Variants in CFAP97D1 observed in about 807,000 individuals in gnomAD.
The protein encoded by CFAP97D1 is sperm axonemal maintenance protein CFAP97D1.
CFAP97D1 carries 15 observed loss-of-function variants against 20.5 expected under a neutral mutation model. The observed-to-expected ratio is 0.73, with a 90% CI of 0.49 to 1.13. CFAP97D1 has a LOEUF of 1.13. Ranked by LOEUF, CFAP97D1 falls within the 50% of genes most tolerant of loss-of-function variation. The pLI is 0.00. For missense variants in CFAP97D1, 168 were observed against 202.9 expected (o/e 0.83, Z 1.04); for synonymous variants, 58 against 71.2 (o/e 0.82, Z 0.93).
At chr17:43,782,963 G>C in intron 3 of CFAP97D1, 1 of 567,864 alleles carries the variant, frequency 1.8e-6, no homozygotes, top group East Asian at 3.0e-5. Flanking sequence ...ATGGGCAACA[G>C]GGTTGAGGAC....
At chr17:43,784,052 CTT>C (rs758357257) in intron 5 of CFAP97D1, among the ~76,000 whole-genome samples, 159 bp downstream of exon 5, 70 of 152,270 alleles carry the variant, frequency 4.6e-4, no homozygotes, top group Non-Finnish European at 8.5e-4. Context: ...GGCTCTCTGA[CTT>C]TATTTCTTCT....
rs2044297344 is a variant in CFAP97D1, at chr17:43,787,039, T to G, written c.*2657T>G. 2 of 152,146 alleles carry G rather than the reference T, an allele frequency of 1.3e-5. No individual in the cohort carries two copies. The highest frequency in any genetic ancestry group is 4.1e-4 in the South Asian group (2 of 4,822). The allele number at this position is 152,146 out of a possible 1,614,324, so 9.4% of individuals were successfully genotyped here. On this transcript the variant is annotated 3_prime_UTR_variant, in exon 6 of 6. Coordinates refer to ENST00000449302, the MANE Select transcript of CFAP97D1 (RefSeq NM_001136483.3). ...TGGAGTGCAGTGGCACGATCTTGGCTCACTGCAACCTCCACCTCTGGGGTT... is the reference window on the plus strand; with the variant it reads ...TGGAGTGCAGTGGCACGATCTTGGCGCACTGCAACCTCCACCTCTGGGGTT...
At position 43,784,609 on chromosome 17, in the gene CFAP97D1, GA is replaced by G. The variant is rs2044279147; in HGVS notation, c.*231del. ...AATGAGCATTTTTATTTGGGGCTATGAAAAGAAGTTTTAACGAGAGAGAGAG... is the reference window on the plus strand; with the variant it reads ...AATGAGCATTTTTATTTGGGGCTATGAAAGAAGTTTTAACGAGAGAGAGAG... On this transcript the variant is annotated 3_prime_UTR_variant, in exon 6 of 6. Coordinates refer to ENST00000449302, the MANE Select transcript of CFAP97D1 (RefSeq NM_001136483.3). 2 of 152,286 alleles carry G rather than the reference GA, an allele frequency of 1.3e-5. No homozygotes were observed. The highest frequency in any genetic ancestry group is 4.8e-5 in the African/African-American group (2 of 41,548). The allele number at this position is 152,286 out of a possible 1,614,324, so 9.4% of individuals were successfully genotyped here.
At chr17:43,780,852 ATAT>A (rs1213082786) in intron 1 of CFAP97D1, among the ~76,000 whole-genome samples, 2 of 152,256 alleles carry the variant, frequency 1.3e-5, no homozygotes, top group Non-Finnish European at 2.9e-5. Flanking sequence ...CAGGCTAATA[ATAT>A]TGGAAAAAGA....
intron 3 of CFAP97D1, chr17:43,782,965 G>A: frequency 3.5e-6 from 2 of 574,950 alleles, no homozygotes; most frequent in South Asian, 4.1e-5. Context: ...GGGCAACAGG[G>A]TTGAGGACCA....
At chr17:43,783,440 T>A (rs1488595028) in intron 4 of CFAP97D1, 137 bp downstream of exon 4, 5 of 1,230,832 alleles carry the variant, frequency 4.1e-6, no homozygotes, top group Non-Finnish European at 5.5e-6. Context: ...AGAAAAACCA[T>A]CCAAAGCAAA....
chr17:43,782,848 C>G (rs997403208), intron 3 of CFAP97D1: 2 of 222,300 alleles, frequency 9.0e-6, no homozygotes, highest in Admixed American at 5.1e-5. Flanking sequence ...GACCTTCCCC[C>G]AACCAGAAGT....
intron 1 of CFAP97D1, 57 bp downstream of exon 1, chr17:43,780,643 T>C: frequency 6.5e-7 from 1 of 1,541,854 alleles, no homozygotes; most frequent in South Asian, 1.2e-5. Context: ...TGGTACCCCA[T>C]AAAGAGATCA....
chr17:43,783,639 C>T (rs1974497228), intron 4 of CFAP97D1, among the ~76,000 whole-genome samples, 198 bp from the exon 5 acceptor site: 1 of 151,500 alleles, frequency 6.6e-6, no homozygotes, highest in Non-Finnish European at 1.5e-5. Flanking sequence ...AAGATTCAGT[C>T]AGTATGCGGT....
chr17:43,786,338 C>T lies in CFAP97D1; in HGVS notation c.*1956C>T, dbSNP rs2044292538. 6.6e-6 allele frequency: 1 copy of T among 152,152 alleles called. No individual in the cohort carries two copies. The highest frequency in any genetic ancestry group is 1.5e-5 in the Non-Finnish European group (1 of 68,032). 9.4% of individuals were successfully genotyped at this position (152,152 alleles called of 1,614,324 possible). A position where few individuals can be genotyped will look rare whatever the true frequency, so the allele number is the denominator to read the frequency against. On this transcript the variant is annotated 3_prime_UTR_variant, in exon 6 of 6. Coordinates refer to ENST00000449302, the MANE Select transcript of CFAP97D1 (RefSeq NM_001136483.3). ...AGGTTTCTATTCAGTCAAGTTGGCA[C>T]CTTAAATTAACCATCGCACTGACTT...
At chr17:43,783,360 C>G in intron 4 of CFAP97D1, 57 bp downstream of exon 4, 1 of 1,536,454 alleles carries the variant, frequency 6.5e-7, no homozygotes. Flanking sequence ...CGGTGTTCAG[C>G]CTAGAGAGAG....
rs894471658 is a variant in CFAP97D1, at chr17:43,787,354, T to C, written c.*2972T>C. On this transcript the variant is annotated 3_prime_UTR_variant, in exon 6 of 6. Transcript: ENST00000449302. ...GCTATGCGCCTTGCATGTATTTTTC[T>C]CCCAGTCTATAATTTGTCTTTTCAT... 12 of 152,234 alleles carry C rather than the reference T, an allele frequency of 7.9e-5. No homozygotes were observed. Among genetic ancestry groups the C allele is most frequent in the African/African-American group, 2.9e-4 (12 of 41,452 alleles). 9.4% of individuals were successfully genotyped at this position (152,234 alleles called of 1,614,324 possible). A position where few individuals can be genotyped will look rare whatever the true frequency, so the allele number is the denominator to read the frequency against.
Position 43,780,507 on chromosome 17 carries a change from T to C in CFAP97D1, c.45T>C (p.Ser15=). The part of the protein sequence containing the change: ...LDYLAYPVIV[S]NHRQSTTFRK... ...ATCTGGCCTACCCTGTTATCGTCTCTAATCACAGGCAAAGCACAACCTTCA... is the reference window on the plus strand; with the variant it reads ...ATCTGGCCTACCCTGTTATCGTCTCCAATCACAGGCAAAGCACAACCTTCA... Residue 15 remains serine, a synonymous_variant, in exon 1 of 6, where the codon TCT becomes TCC. Transcript: ENST00000449302. 2 of 1,551,580 alleles carry C rather than the reference T, an allele frequency of 1.3e-6. No individual in the cohort carries two copies. The highest frequency in any genetic ancestry group is 1.7e-6 in the Non-Finnish European group (2 of 1,146,864).
At chr17:43,781,340 GT>G (rs1009403967) in intron 2 of CFAP97D1, among the ~76,000 whole-genome samples, 151 bp downstream of exon 2, 115 of 148,510 alleles carry the variant, frequency 7.7e-4, no homozygotes, top group Admixed American at 1.9e-3. Context: ...ACCCCCAGTC[GT>G]TTTTTTCCCC....
At chr17:43,783,083 A>AG (rs1974491506) in intron 3 of CFAP97D1, 97 bp from the exon 4 acceptor site, 1 of 1,468,554 alleles carries the variant, frequency 6.8e-7, no homozygotes, top group Non-Finnish European at 9.3e-7. Context: ...CCCTGCACTT[A>AG]GACAGTCTGG....
chr17:43,782,311 A>G (rs897444265), intron 3 of CFAP97D1, among the ~76,000 whole-genome samples: 1 of 152,232 alleles, frequency 6.6e-6, no homozygotes, highest in Non-Finnish European at 1.5e-5. Context: ...TGCTTCATAG[A>G]CAACCATCTT....
In CFAP97D1 at chr17:43,782,107, G is replaced by A. The variant is rs181668442; in HGVS notation, c.314+215G>A. The stretch of plus-strand genomic sequence containing the variant: ...TATTTCATCGAAGAGACTTTTCAGA[G>A]TCCTATTCAGTGTGTCACAAGAATG... On this transcript the variant is annotated intron_variant, in intron 3 of 5. Transcript: ENST00000449302. Among the ~76,000 whole-genome samples, 93 of 152,316 alleles carry A rather than the reference G, an allele frequency of 6.1e-4. 1 individual carries two copies. Among genetic ancestry groups the A allele is most frequent in the Admixed American group, 6.0e-3 (92 of 15,296 alleles).
In CFAP97D1 at chr17:43,785,334, CAG is replaced by C. The variant is rs1416659041; in HGVS notation, c.*957_*958del. On this transcript the variant is annotated 3_prime_UTR_variant, in exon 6 of 6. Transcript: ENST00000449302. Reference sequence around the variant, plus strand: ...CTGCAGTACAGGGCTACCCCAAAGGCAGAGAGTTTTGCAGTCATAGTTATACG... The same window carrying C: ...CTGCAGTACAGGGCTACCCCAAAGGCAGAGTTTTGCAGTCATAGTTATACG... The C allele has an allele frequency of 6.6e-6, 1 of 152,126 alleles. No homozygotes were observed. The highest frequency in any genetic ancestry group is 1.5e-5 in the Non-Finnish European group (1 of 68,038). The allele number at this position is 152,126 out of a possible 1,614,324, so 9.4% of individuals were successfully genotyped here.
intron 1 of CFAP97D1, among the ~76,000 whole-genome samples, chr17:43,780,816 G>A (rs1974464529): frequency 6.6e-6 from 1 of 152,166 alleles, no homozygotes; most frequent in Non-Finnish European, 1.5e-5. Context: ...CGTTAGAAAG[G>A]GGATAAGACT....
Sources: gnomAD v4.1 joint callset for allele counts (sites outside exome capture counted in the v4.1 genomes callset) on GRCh38, gnomAD v4.1.1 for gene constraint, MANE v1.5 for transcripts, NCBI Gene and HGNC (gene_info 2026-07-23, HGNC 2026-07-21) for gene names.